Variants in MMADHC observed in about 807,000 individuals in gnomAD.
MMADHC encodes the protein cobalamin trafficking protein CblD.
A neutral mutation model predicts 36.3 loss-of-function variants in MMADHC; 23 were observed. The observed-to-expected ratio is 0.63, with a 90% CI of 0.46 to 0.90. MMADHC has a LOEUF of 0.90. Ranked by LOEUF, MMADHC falls within the 40% of genes least tolerant of loss-of-function variation. The pLI is 0.00. For missense variants in MMADHC, 330 were observed against 348.0 expected, an observed-to-expected ratio of 0.95 and a Z score of 0.41; for synonymous variants, 97 against 116.1, an observed-to-expected ratio of 0.84 and a Z score of 1.06.
At chr2:149,583,189 T>C (rs1682818714) in intron 2 of MMADHC, among the ~76,000 whole-genome samples, 1 of 152,108 alleles carries the variant, frequency 6.6e-6, no homozygotes, top group Admixed American at 6.6e-5. Flanking sequence ...AAAACAAATA[T>C]CAAATCATCT....
At chr2:149,587,469 G>T (rs1682890873) in intron 1 of MMADHC, 195 bp downstream of exon 1, 1 of 351,450 alleles carries the variant, frequency 2.8e-6, no homozygotes, top group South Asian at 3.3e-5. Flanking sequence ...AGAAGTTGGG[G>T]CTGCGTAACA....
chr2:149,570,215 T>G, intron 7 of MMADHC, 47 bp from the exon 8 acceptor site: 1 of 1,485,564 alleles, frequency 6.7e-7, no homozygotes, highest in Non-Finnish European at 9.3e-7. Context: ...AAAGACATTT[T>G]AGTAATAATT....
At chr2:149,583,156 C>G (rs1682818378) in intron 2 of MMADHC, among the ~76,000 whole-genome samples, 1 of 152,112 alleles carries the variant, frequency 6.6e-6, no homozygotes, top group Non-Finnish European at 1.5e-5. Context: ...ATTGGCAACT[C>G]TCAGTTTAGT....
chr2:149,570,513 A>C (rs1262144755), intron 7 of MMADHC, among the ~76,000 whole-genome samples: 3 of 152,224 alleles, frequency 2.0e-5, no homozygotes, highest in Non-Finnish European at 2.9e-5. Context: ...TTTCTCGATT[A>C]TATCTTATTT....
At chr2:149,580,814 C>T (rs557812556) in intron 3 of MMADHC, among the ~76,000 whole-genome samples, 4 of 152,270 alleles carry the variant, frequency 2.6e-5, no homozygotes, top group Admixed American at 6.5e-5. Context: ...TAGTCCAGTG[C>T]CCCTCAAACT....
At chr2:149,583,663 TCTGA>T (rs1682824543) in intron 2 of MMADHC, among the ~76,000 whole-genome samples, 1 of 152,166 alleles carries the variant, frequency 6.6e-6, no homozygotes, top group Non-Finnish European at 1.5e-5. Context: ...AATCCAGCCA[TCTGA>T]CACCTGAGAA....
intron 6 of MMADHC, among the ~76,000 whole-genome samples, chr2:149,573,486 A>C (rs1682673078): frequency 1.3e-5 from 2 of 152,218 alleles, no homozygotes; most frequent in African/African-American, 2.4e-5. Flanking sequence ...ATTTTACAGA[A>C]TGAGGCGTTG....
At chr2:149,571,575 T>A (rs1332100767) in intron 6 of MMADHC, among the ~76,000 whole-genome samples, 1 of 152,048 alleles carries the variant, frequency 6.6e-6, no homozygotes, top group Non-Finnish European at 1.5e-5. Context: ...GGTCAGGAGA[T>A]CGAGACTATA....
At chr2:149,584,729 C>T (rs1682838754) in intron 2 of MMADHC, among the ~76,000 whole-genome samples, 1 of 152,118 alleles carries the variant, frequency 6.6e-6, no homozygotes, top group Non-Finnish European at 1.5e-5. Flanking sequence ...TAATCTGTTT[C>T]AAACCTTACC....
intron 6 of MMADHC, among the ~76,000 whole-genome samples, chr2:149,573,533 C>A (rs1682673772): frequency 1.3e-5 from 2 of 152,242 alleles, no homozygotes; most frequent in South Asian, 2.1e-4. Context: ...TCAATTAGAT[C>A]TTTAAATTTG....
chr2:149,571,243 T>G, intron 6 of MMADHC, 72 bp from the exon 7 acceptor site: 1 of 952,820 alleles, frequency 1.0e-6, no homozygotes, highest in Admixed American at 2.5e-5. Context: ...AAATAAAATT[T>G]TAAGTGACTA....
intron 3 of MMADHC, among the ~76,000 whole-genome samples, chr2:149,580,496 A>T (rs753072167): frequency 3.3e-5 from 5 of 152,210 alleles, no homozygotes; most frequent in Admixed American, 6.5e-5. Flanking sequence ...CTTATAAAAA[A>T]TTCAGAAAGA....
At chr2:149,580,464 A>G (rs1320867054) in intron 3 of MMADHC, among the ~76,000 whole-genome samples, 1 of 152,192 alleles carries the variant, frequency 6.6e-6, no homozygotes, top group Non-Finnish European at 1.5e-5. Flanking sequence ...TTATTCACTT[A>G]AAACTTTAAA....
chr2:149,587,334 C>G, intron 1 of MMADHC, 185 bp from the exon 2 acceptor site: 2 of 597,150 alleles, frequency 3.3e-6, no homozygotes, highest in Non-Finnish European at 6.0e-6. Flanking sequence ...AGCCCGGAGC[C>G]GGCAGTGCAG....
chr2:149,571,002 C>G, intron 7 of MMADHC, 83 bp downstream of exon 7: 1 of 1,151,490 alleles, frequency 8.7e-7, no homozygotes, highest in Middle Eastern at 2.1e-4. Context: ...AAGTCTTAAT[C>G]TATTACCAAA....
At chr2:149,574,434 T>C (rs1487039880) in intron 6 of MMADHC, among the ~76,000 whole-genome samples, 2 of 152,214 alleles carry the variant, frequency 1.3e-5, no homozygotes, top group Non-Finnish European at 2.9e-5. Flanking sequence ...AATTACAATA[T>C]ACTTTTACAA....
chr2:149,576,401 T>G (rs1285140026), intron 5 of MMADHC, 36 bp downstream of exon 5: 2 of 1,375,398 alleles, frequency 1.5e-6, no homozygotes, highest in South Asian at 2.3e-5. Context: ...TTAAAAAAAT[T>G]AGTAACAGTG....
intron 2 of MMADHC, 58 bp downstream of exon 2, chr2:149,587,031 A>C (rs1220098440): frequency 1.3e-6 from 2 of 1,554,168 alleles, no homozygotes; most frequent in Non-Finnish European, 1.8e-6. Flanking sequence ...CCGTTCTTTC[A>C]TTCCTAACAT....
intron 7 of MMADHC, 44 bp from the exon 8 acceptor site, chr2:149,570,212 T>C: frequency 6.7e-7 from 1 of 1,494,608 alleles, no homozygotes; most frequent in South Asian, 1.2e-5. Context: ...AAGAAAGACA[T>C]TTTAGTAATA....
Sources: gnomAD v4.1 joint callset for allele counts (sites outside exome capture counted in the v4.1 genomes callset) on GRCh38, gnomAD v4.1.1 for gene constraint, MANE v1.5 for transcripts, NCBI Gene and HGNC (gene_info 2026-07-23, HGNC 2026-07-21) for gene names.